The following SLCO1B3 variants were observed in gnomAD, a reference collection of about 807,000 sequenced individuals.
The protein encoded by SLCO1B3 is solute carrier organic anion transporter family member 1B3.
A neutral mutation model predicts 71.8 loss-of-function variants in SLCO1B3; 72 were observed. The ratio of observed to expected loss-of-function variants is 1.00; its 90% CI spans 0.83 to 1.22. The LOEUF is 1.22. Among genes scored for constraint, SLCO1B3 ranks in the 50% most tolerant of loss-of-function variants. The pLI, the probability that SLCO1B3 is intolerant of heterozygous loss-of-function variation, is 0.00. For synonymous variants in SLCO1B3, 298 were observed against 278.4 expected, an observed-to-expected ratio of 1.07 and a Z score of -0.70; for missense variants, 911 against 819.7, an observed-to-expected ratio of 1.11 and a Z score of -1.36.
In SLCO1B3 at chr12:20,862,448, A is replaced by G. The variant is rs886049134; in HGVS notation, c.518A>G (p.Tyr173Cys). 5 of 1,613,196 alleles carry G rather than the reference A, an allele frequency of 3.1e-6. No individual in the cohort carries two copies. The highest frequency in any genetic ancestry group is 4.2e-6 in the Non-Finnish European group (5 of 1,179,410). ...VKESGSHMWI[Y>C]VFMGNMLRGI... The stretch of plus-strand genomic sequence containing the variant: ...GAATCTGGGTCACACATGTGGATCT[A>G]TGTCTTCATGGGGAATATGCTTCGT... Residue 173 changes from tyrosine (Y) to cysteine (C), a missense_variant, in exon 7 of 16, where the codon TAT (tyrosine) becomes TGT (cysteine). By Grantham distance (194) the Tyr-to-Cys change is radical. Transcript: ENST00000381545.
At chr12:20,851,837 G>A (rs865887281) in intron 3 of SLCO1B3, among the ~76,000 whole-genome samples, 12 of 152,106 alleles carry the variant, frequency 7.9e-5, no homozygotes, top group Admixed American at 2.0e-4. Flanking sequence ...TTCACATATG[G>A]TGTAAGACAA....
At position 20,875,228 on chromosome 12, in the gene SLCO1B3, C is replaced by G. The variant is rs776615696; in HGVS notation, c.728-7C>G. 1.9e-6 allele frequency: 3 copies of G among 1,611,776 alleles called. No individual in the cohort carries two copies. The highest frequency in any genetic ancestry group is 2.5e-6 in the Non-Finnish European group (3 of 1,179,474). On this transcript the variant is annotated splice_polypyrimidine_tract_variant and splice_region_variant and intron_variant, in intron 8 of 15. Coordinates refer to ENST00000381545, the MANE Select transcript of SLCO1B3 (RefSeq NM_019844.4). ...TTTGACTGGCTTCTTTTAACTGTTT[C>G]TCCTAGGCACTATCAGAATAACTCC...
At chr12:20,837,966 G>A (rs991403821) in intron 3 of SLCO1B3, among the ~76,000 whole-genome samples, 3 of 151,904 alleles carry the variant, frequency 2.0e-5, no homozygotes, top group African/African-American at 7.2e-5. Context: ...ATTTCTCCTT[G>A]CAGTTCTACC....
At chr12:20,871,473 T>A (rs1865473757) in intron 8 of SLCO1B3, among the ~76,000 whole-genome samples, 1 of 152,182 alleles carries the variant, frequency 6.6e-6, no homozygotes, top group African/African-American at 2.4e-5. Context: ...CTTATGTTAT[T>A]CATCAGTGTC....
intron 8 of SLCO1B3, among the ~76,000 whole-genome samples, chr12:20,863,854 G>C (rs1865321359): frequency 6.6e-6 from 1 of 151,880 alleles, no homozygotes; most frequent in Admixed American, 6.6e-5. Context: ...AACACAATCA[G>C]CTTCTATGTA....
At chr12:20,910,957 T>A (rs531527597) in intron 15 of SLCO1B3, among the ~76,000 whole-genome samples, 85 of 152,106 alleles carry the variant, frequency 5.6e-4, no homozygotes, top group African/African-American at 1.9e-3. Context: ...CTTTTTTTTT[T>A]AATCACATGG....
chr12:20,867,155 C>G (rs1341698870), intron 8 of SLCO1B3, among the ~76,000 whole-genome samples: 1 of 152,032 alleles, frequency 6.6e-6, no homozygotes, highest in African/African-American at 2.4e-5. Flanking sequence ...CTAATTCACC[C>G]TCTAGATGTG....
intron 3 of SLCO1B3, among the ~76,000 whole-genome samples, chr12:20,852,429 T>C (rs1565589502): frequency 6.6e-6 from 1 of 152,156 alleles, no homozygotes; most frequent in Non-Finnish European, 1.5e-5. Context: ...CAGTGAGCCA[T>C]GATCACTCCA....
chr12:20,899,722 G>C (rs778513171), intron 14 of SLCO1B3, among the ~76,000 whole-genome samples: 6 of 152,110 alleles, frequency 3.9e-5, no homozygotes, highest in Non-Finnish European at 8.8e-5. Flanking sequence ...TAGCATCTGG[G>C]TAGTTAGGAC....
intron 15 of SLCO1B3, among the ~76,000 whole-genome samples, chr12:20,912,601 AC>A (rs1289678092): frequency 2.7e-5 from 4 of 148,236 alleles, no homozygotes; most frequent in African/African-American, 1.0e-4. Context: ...TCAGTTCACT[AC>A]AACCTCCACC....
chr12:20,883,236 A>G (rs1354933775), intron 12 of SLCO1B3, among the ~76,000 whole-genome samples, 182 bp from the exon 13 acceptor site: 1 of 152,136 alleles, frequency 6.6e-6, no homozygotes, highest in Non-Finnish European at 1.5e-5. Context: ...TCATACACTA[A>G]TTTCTTAAAT....
chr12:20,901,093 T>C (rs954769587), intron 14 of SLCO1B3, among the ~76,000 whole-genome samples: 3 of 152,118 alleles, frequency 2.0e-5, no homozygotes, highest in Non-Finnish European at 4.4e-5. Flanking sequence ...ACAGAGTATA[T>C]AGGCATATAA....
At chr12:20,855,966 T>G (rs1021090105) in intron 4 of SLCO1B3, among the ~76,000 whole-genome samples, 9 of 152,078 alleles carry the variant, frequency 5.9e-5, no homozygotes, top group African/African-American at 1.2e-4. Context: ...TCTAACTGTA[T>G]TTACACAATG....
In SLCO1B3 at chr12:20,870,893, G is replaced by C. The variant is rs371425055; in HGVS notation, c.728-4342G>C. Reference sequence around the variant, plus strand: ...CCAGATTTTTGAGGGCTTTTATTATGAAGGGATGTTGAATTTTATCAAGTG... The same window carrying C: ...CCAGATTTTTGAGGGCTTTTATTATCAAGGGATGTTGAATTTTATCAAGTG... On this transcript the variant is annotated intron_variant, in intron 8 of 15. Coordinates refer to ENST00000381545, the MANE Select transcript of SLCO1B3 (RefSeq NM_019844.4). 2.6e-5 allele frequency among the ~76,000 whole-genome samples: 4 copies of C among 152,128 alleles called. No homozygotes were observed. The East Asian group carries it at 5.8e-4, about 22-fold the overall frequency.
At chr12:20,844,481 T>C (rs1864867902) in intron 3 of SLCO1B3, among the ~76,000 whole-genome samples, 1 of 151,762 alleles carries the variant, frequency 6.6e-6, no homozygotes, top group Non-Finnish European at 1.5e-5. Context: ...GACAGGAGGA[T>C]CACTTGAACC....
At chr12:20,826,543 A>G (rs1222973193) in intron 3 of SLCO1B3, among the ~76,000 whole-genome samples, 1 of 150,872 alleles carries the variant, frequency 6.6e-6, no homozygotes, top group Non-Finnish European at 1.5e-5. Flanking sequence ...TAATTATAGC[A>G]AACTTGATCA....
At chr12:20,845,000 AGTCCATGT>A (rs1864883002) in intron 3 of SLCO1B3, 1 of 233,568 alleles carries the variant, frequency 4.3e-6, no homozygotes, top group Admixed American at 5.2e-5. Flanking sequence ...ACTGCACTCC[AGTCCATGT>A]GACAGAGCAA....
intron 3 of SLCO1B3, among the ~76,000 whole-genome samples, chr12:20,846,963 A>G (rs1289779092): frequency 6.6e-6 from 1 of 152,092 alleles, no homozygotes; most frequent in Non-Finnish European, 1.5e-5. Context: ...AATTATGTAC[A>G]TTTGTATCTC....
intron 3 of SLCO1B3, among the ~76,000 whole-genome samples, chr12:20,847,427 TC>T (rs548864204): frequency 1.3e-5 from 2 of 152,134 alleles, no homozygotes; most frequent in Non-Finnish European, 2.9e-5. Flanking sequence ...AATTTTTCCC[TC>T]CCTGTGAGGG....
Sources: gnomAD v4.1 joint callset for allele counts (sites outside exome capture counted in the v4.1 genomes callset) on GRCh38, gnomAD v4.1.1 for gene constraint, MANE v1.5 for transcripts, NCBI Gene and HGNC (gene_info 2026-07-23, HGNC 2026-07-21) for gene names.